POU3F3: variants seen among roughly 807,000 people sequenced by gnomAD.
The protein encoded by POU3F3 is POU domain, class 3, transcription factor 3.
A neutral mutation model predicts 8.6 loss-of-function variants in POU3F3; 1 was observed. The ratio of observed to expected loss-of-function variants is 0.12; its 90% CI spans 0.04 to 0.55. The LOEUF (loss-of-function observed/expected upper bound fraction) is 0.55. Among genes scored for constraint, POU3F3 ranks in the 20% least tolerant of loss-of-function variants. POU3F3 has a pLI of 0.91. For missense variants in POU3F3, 577 were observed against 690.7 expected (o/e 0.84, Z 1.84); for synonymous variants, 418 against 327.4 (o/e 1.28, Z -2.99).
At chr2:104,859,130 T>G (rs1167087863), downstream of POU3F3, among the ~76,000 whole-genome samples, 1 of 68,278 alleles carries the variant, frequency 1.5e-5, no homozygotes, top group Non-Finnish European at 2.5e-5. Flanking sequence ...TTATTAAGCT[T>G]TTTGGGTTTT....
At chr2:104,915,384 G>A in the POU3F3 span, among the ~76,000 whole-genome samples, 1 of 152,136 alleles carries the variant, frequency 6.6e-6, no homozygotes, top group Admixed American at 6.5e-5. Context: ...TGGATTGAAG[G>A]CAGATAAATG....
At position 104,855,702 on chromosome 2, in the gene POU3F3, G is replaced by A; in HGVS notation, c.192G>A (p.Arg64=). Residue 64 remains arginine (R), a synonymous_variant, in exon 1 of 1, where the codon CGG becomes CGA. Coordinates refer to ENST00000361360, the MANE Select transcript of POU3F3 (RefSeq NM_006236.3). ...CCGCCGTGACCTCGGGCGCCTACCG[G>A]GGGGACCCGTCCTCTGTCAAGATGG... ...GSAAVTSGAY[R]GDPSSVKMVQ... 1 of 1,227,884 alleles carries A rather than the reference G, an allele frequency of 8.1e-7. No homozygotes were observed. Among genetic ancestry groups the A allele is most frequent in the South Asian group, 1.6e-5 (1 of 63,990 alleles). 76.1% of individuals were successfully genotyped at this position (1,227,884 alleles called of 1,614,324 possible). A position where few individuals can be genotyped will look rare whatever the true frequency, so the allele number is the denominator to read the frequency against.
chr2:104,879,828 G>A, the POU3F3 span, among the ~76,000 whole-genome samples: 1 of 152,144 alleles, frequency 6.6e-6, no homozygotes, highest in Admixed American at 6.5e-5. Flanking sequence ...AACAAGTGTG[G>A]GGTGTCTTCC....
At chr2:104,921,585 C>G in the POU3F3 span, among the ~76,000 whole-genome samples, 12 of 152,226 alleles carry the variant, frequency 7.9e-5, no homozygotes, top group African/African-American at 2.6e-4. Context: ...CAAAAAGGAC[C>G]CTTCTCCTCT....
chr2:104,887,205 G>A, the POU3F3 span, among the ~76,000 whole-genome samples: 4 of 152,108 alleles, frequency 2.6e-5, no homozygotes, highest in African/African-American at 7.2e-5. Flanking sequence ...GGTTTTAGCC[G>A]GCTTCTTTAC....
the POU3F3 span, among the ~76,000 whole-genome samples, chr2:104,915,248 C>T: frequency 7.9e-5 from 12 of 152,188 alleles, no homozygotes; most frequent in Non-Finnish European, 1.5e-4. Context: ...AGGTAGTTGA[C>T]AATGTGGCCA....
downstream of POU3F3, among the ~76,000 whole-genome samples, chr2:104,863,398 T>G (rs1276206785): frequency 6.6e-6 from 1 of 152,020 alleles, no homozygotes; most frequent in Non-Finnish European, 1.5e-5. Flanking sequence ...GTTCTGGCGA[T>G]AACTTTCTGC....
chr2:104,899,779 C>T, the POU3F3 span, among the ~76,000 whole-genome samples: 2 of 152,210 alleles, frequency 1.3e-5, no homozygotes, highest in Non-Finnish European at 2.9e-5. Flanking sequence ...TCCAAGCTCT[C>T]GTCCTATCTA....
the POU3F3 span, among the ~76,000 whole-genome samples, chr2:104,899,561 A>G: frequency 4.6e-5 from 7 of 152,222 alleles, no homozygotes; most frequent in Non-Finnish European, 7.3e-5. Context: ...AATGAATCCA[A>G]ATGAAAATAT....
the POU3F3 span, chr2:104,866,128 A>G: frequency 1.3e-5 from 2 of 152,224 alleles, no homozygotes; most frequent in African/African-American, 4.8e-5. Flanking sequence ...GAAGGTCTTT[A>G]ACTCTTCCAA....
chr2:104,908,230 G>T, the POU3F3 span, among the ~76,000 whole-genome samples: 1 of 152,120 alleles, frequency 6.6e-6, no homozygotes, highest in Admixed American at 6.5e-5. Context: ...CAACATGCAT[G>T]AGTACTCCCA....
chr2:104,865,483 A>AT, the POU3F3 span: 1,036 of 152,200 alleles, frequency 6.8e-3, 10 homozygotes, highest in Non-Finnish European at 0.012. Flanking sequence ...AACTTTTTAA[A>AT]TTTTTTTTCT....
At chr2:104,878,543 T>C in the POU3F3 span, among the ~76,000 whole-genome samples, 2 of 152,252 alleles carry the variant, frequency 1.3e-5, no homozygotes, top group African/African-American at 2.4e-5. Flanking sequence ...AAGGCTGCAC[T>C]CTTACTATTC....
chr2:104,925,070 T>C, the POU3F3 span, among the ~76,000 whole-genome samples: 2 of 152,210 alleles, frequency 1.3e-5, no homozygotes, highest in African/African-American at 4.8e-5. Context: ...TAATGAGAAA[T>C]TAATCCTTGG....
the POU3F3 span, among the ~76,000 whole-genome samples, chr2:104,902,302 T>C: frequency 1.3e-5 from 2 of 152,182 alleles, no homozygotes; most frequent in Non-Finnish European, 2.9e-5. Flanking sequence ...TTATCTTTTG[T>C]TGCACCTATT....
chr2:104,912,808 G>A, the POU3F3 span, among the ~76,000 whole-genome samples: 3 of 152,148 alleles, frequency 2.0e-5, no homozygotes, highest in Non-Finnish European at 4.4e-5. Context: ...GGATGAGGAT[G>A]CCATGATGTC....
In POU3F3 at chr2:104,856,726, A is replaced by C; in HGVS notation, c.1216A>C (p.Lys406Gln). Residue 406 changes from lysine to glutamine, a missense_variant, in exon 1 of 1, where the codon AAG becomes CAG. Coordinates refer to ENST00000361360, the MANE Select transcript of POU3F3 (RefSeq NM_006236.3). Reference protein sequence around the residue: ...SIDKIAAQGRKRKKRTSIEVS... With the variant: ...SIDKIAAQGRQRKKRTSIEVS... ...CGACAAGATCGCGGCGCAGGGCCGC[A>C]AGCGCAAGAAGCGGACCTCTATCGA... The C allele has an allele frequency of 6.2e-7, 1 of 1,614,120 alleles. No homozygotes were observed. The highest frequency in any genetic ancestry group is 2.2e-5 in the East Asian group (1 of 44,858).
the POU3F3 span, among the ~76,000 whole-genome samples, chr2:104,881,125 T>A: frequency 2.7e-5 from 4 of 148,284 alleles, no homozygotes; most frequent in Admixed American, 6.8e-5. Context: ...TTTCTTACTT[T>A]CTTTCTTTCT....
chr2:104,881,142 C>CTT, the POU3F3 span, among the ~76,000 whole-genome samples: 1 of 148,372 alleles, frequency 6.7e-6, no homozygotes, highest in African/African-American at 2.5e-5. Context: ...TTCTTTCTTT[C>CTT]TTTCTTTCCT....
Sources: allele counts gnomAD v4.1 joint callset (sites outside exome capture counted in the v4.1 genomes callset), GRCh38; gene constraint gnomAD v4.1.1; transcripts MANE v1.5; gene names NCBI Gene and HGNC (gene_info 2026-07-23, HGNC 2026-07-21).